The following CLEC16A variants were observed in gnomAD, a reference collection of about 807,000 sequenced individuals.
CLEC16A encodes protein CLEC16A.
In CLEC16A, 51 loss-of-function variants were observed where a neutral mutation model predicts 109.5. The ratio of observed to expected loss-of-function variants is 0.47; its 90% CI spans 0.37 to 0.59. CLEC16A has a LOEUF of 0.59. CLEC16A is among the 20% of genes least tolerant of loss of function. The pLI, the probability that CLEC16A is intolerant of heterozygous loss-of-function variation, is 0.00. For missense variants in CLEC16A, 1,339 were observed against 1,394.0 expected, an observed-to-expected ratio of 0.96 and a Z score of 0.63; for synonymous variants, 673 against 564.2, an observed-to-expected ratio of 1.19 and a Z score of -2.73.
At chr16:11,125,624 C>G (rs2052751794) in intron 21 of CLEC16A, among the ~76,000 whole-genome samples, 1 of 152,246 alleles carries the variant, frequency 6.6e-6, no homozygotes, top group Non-Finnish European at 1.5e-5. Context: ...GCCCCACTCG[C>G]TTGGGGTCTG....
At chr16:11,123,233 T>G (rs1384668484) in intron 20 of CLEC16A, among the ~76,000 whole-genome samples, 2 of 152,166 alleles carry the variant, frequency 1.3e-5, no homozygotes, top group Non-Finnish European at 2.9e-5. Context: ...GCTTTTCCCT[T>G]TGGGGACCAG....
chr16:11,025,070 CT>C (rs1478418238), intron 13 of CLEC16A, 149 bp downstream of exon 13: 6 of 614,744 alleles, frequency 9.8e-6, no homozygotes, highest in Non-Finnish European at 1.7e-5. Context: ...TTGACTCCCG[CT>C]CCTCTTTAGC....
intron 10 of CLEC16A, among the ~76,000 whole-genome samples, chr16:10,985,642 C>T (rs2043599228): frequency 6.6e-6 from 1 of 151,942 alleles, no homozygotes. Context: ...CTCTGCAGTG[C>T]TGAAGCTAGA....
chr16:11,024,438 T>C (rs2046295400), intron 12 of CLEC16A: 1 of 176,504 alleles, frequency 5.7e-6, no homozygotes. Context: ...GACATCACAC[T>C]GTCCTGTTTT....
intron 19 of CLEC16A, among the ~76,000 whole-genome samples, chr16:11,064,405 C>G (rs540156842): frequency 6.6e-6 from 1 of 152,384 alleles, no homozygotes; most frequent in South Asian, 2.1e-4. Flanking sequence ...TTTGCAGCCA[C>G]TGGCATCATT....
chr16:11,173,411 G>A (rs922286342), intron 23 of CLEC16A, among the ~76,000 whole-genome samples: 3 of 152,002 alleles, frequency 2.0e-5, no homozygotes, highest in South Asian at 2.1e-4. Context: ...AGATGCTCCC[G>A]ACGTTTTTAT....
chr16:11,035,228 T>C (rs2046954649), intron 13 of CLEC16A, among the ~76,000 whole-genome samples: 1 of 152,226 alleles, frequency 6.6e-6, no homozygotes, highest in Admixed American at 6.5e-5. Flanking sequence ...CGTATTTCTT[T>C]CTAGCATGTT....
At chr16:10,975,236 A>G (rs1235000802) in intron 7 of CLEC16A, among the ~76,000 whole-genome samples, 2 of 152,090 alleles carry the variant, frequency 1.3e-5, no homozygotes, top group African/African-American at 4.8e-5. Context: ...GGTCAAGGCA[A>G]GAGAATTGCT....
Position 10,944,594 on chromosome 16 carries a change from G to A in CLEC16A, c.-124G>A, listed in dbSNP as rs893448907. ...TGGGCTGTGGGCCGGGGAGGAAGGC[G>A]GCTCGCGGTTCCTCCACCGCCTCCG... is the stretch of plus-strand genomic sequence containing the variant. On this transcript the variant is annotated 5_prime_UTR_variant, in exon 1 of 24. Transcript: ENST00000409790. 1.3e-5 allele frequency: 12 copies of A among 917,598 alleles called. No homozygotes were observed. The Admixed American group carries it at 1.4e-4, about 11-fold the overall frequency. The allele number at this position is 917,598 out of a possible 1,614,324, so 56.8% of individuals were successfully genotyped here.
intron 19 of CLEC16A, among the ~76,000 whole-genome samples, chr16:11,089,580 C>T (rs151338456): frequency 6.6e-6 from 1 of 152,270 alleles, no homozygotes; most frequent in East Asian, 1.9e-4. Flanking sequence ...TTCCTCCCCT[C>T]TGTCCCACAC....
Position 11,120,701 on chromosome 16 carries a change from A to G in CLEC16A, c.2203A>G (p.Ser735Gly), listed in dbSNP as rs1178115854. 1 of 1,609,450 alleles carries G rather than the reference A, an allele frequency of 6.2e-7. No individual in the cohort carries two copies. Among genetic ancestry groups the G allele is most frequent in the Non-Finnish European group, 8.5e-7 (1 of 1,177,944 alleles). Residue 735 changes from serine (S) to glycine (G), a missense_variant, in exon 20 of 24, where the codon AGT becomes GGT. Transcript: ENST00000409790. Reference sequence around the variant, plus strand: ...CCTGGCTGTGGATATTTACCAGATGAGTTTGGTGGAGCCTGATGTGTCCAG... The same window carrying G: ...CCTGGCTGTGGATATTTACCAGATGGGTTTGGTGGAGCCTGATGTGTCCAG... ...RFLAVDIYQM[S>G]LVEPDVSRLG...
At chr16:11,044,939 A>AC (rs1175292428) in intron 16 of CLEC16A, among the ~76,000 whole-genome samples, 1 of 152,078 alleles carries the variant, frequency 6.6e-6, no homozygotes, top group Non-Finnish European at 1.5e-5. Flanking sequence ...AAAAAAAAAA[A>AC]AAAAAACTAA....
At chr16:10,963,528 TA>T (rs1333082749) in intron 3 of CLEC16A, among the ~76,000 whole-genome samples, 1 of 152,158 alleles carries the variant, frequency 6.6e-6, no homozygotes, top group Non-Finnish European at 1.5e-5. Context: ...CTGGAAGAAG[TA>T]AGACAAGGAA....
At chr16:10,953,321 A>G (rs2041826206) in intron 1 of CLEC16A, among the ~76,000 whole-genome samples, 1 of 152,252 alleles carries the variant, frequency 6.6e-6, no homozygotes, top group Admixed American at 6.5e-5. Context: ...GTAGATTTCC[A>G]TATAGAAAAA....
At chr16:11,140,661 G>C (rs945708426) in intron 22 of CLEC16A, among the ~76,000 whole-genome samples, 3 of 152,144 alleles carry the variant, frequency 2.0e-5, no homozygotes, top group Admixed American at 6.5e-5. Context: ...CACCTGAAAG[G>C]CTTGCTCAAG....
At chr16:11,020,055 T>C in intron 11 of CLEC16A, 138 bp from the exon 12 acceptor site, 1 of 935,112 alleles carries the variant, frequency 1.1e-6, no homozygotes, top group Non-Finnish European at 1.5e-6. Flanking sequence ...GTCTCTGGTG[T>C]TCAGGTCGCT....
At chr16:11,135,037 C>T (rs1179168160) in intron 22 of CLEC16A, among the ~76,000 whole-genome samples, 1 of 152,232 alleles carries the variant, frequency 6.6e-6, no homozygotes, top group African/African-American at 2.4e-5. Flanking sequence ...GTGCAGGGCT[C>T]GTTCCTGCAC....
intron 22 of CLEC16A, among the ~76,000 whole-genome samples, chr16:11,145,632 A>G (rs1029560236): frequency 6.6e-6 from 1 of 152,260 alleles, no homozygotes; most frequent in African/African-American, 2.4e-5. Context: ...ATACGTTACC[A>G]AGTGGGTGGG....
chr16:11,062,848 A>C (rs2048556417), intron 19 of CLEC16A, among the ~76,000 whole-genome samples: 1 of 122,928 alleles, frequency 8.1e-6, no homozygotes, highest in Non-Finnish European at 1.6e-5. Context: ...ATCATAAACC[A>C]GTCTTTCTCT....
Sources: gnomAD v4.1 joint callset for allele counts (sites outside exome capture counted in the v4.1 genomes callset) on GRCh38, gnomAD v4.1.1 for gene constraint, MANE v1.5 for transcripts, NCBI Gene and HGNC (gene_info 2026-07-23, HGNC 2026-07-21) for gene names.